The following ZNF593 variants were observed in gnomAD, a reference collection of about 807,000 sequenced individuals.
ZNF593 encodes the protein BUD20 homolog.
A neutral mutation model predicts 12.9 loss-of-function variants in ZNF593; 18 were observed. The ratio of observed to expected loss-of-function variants is 1.40; its 90% CI spans 0.96 to 2.07. The LOEUF (loss-of-function observed/expected upper bound fraction) is 2.07. Ranked by LOEUF, ZNF593 falls within the 30% of genes most tolerant of loss-of-function variation. ZNF593 has a pLI of 0.00. For missense variants in ZNF593, 198 were observed against 186.7 expected (o/e 1.06, Z -0.35); for synonymous variants, 79 against 79.9 (o/e 0.99, Z 0.06).
intron 1 of ZNF593, 47 bp from the exon 2 acceptor site, chr1:26,170,371 G>C: frequency 4.4e-6 from 7 of 1,580,070 alleles, no homozygotes; most frequent in Non-Finnish European, 5.2e-6. Context: ...AGGTGCACTT[G>C]GGAGACTATC....
In ZNF593 at chr1:26,170,042, A is replaced by G; in HGVS notation, c.59A>G (p.Lys20Arg). The G allele has an allele frequency of 6.4e-7, 1 of 1,574,182 alleles. No individual in the cohort carries two copies. Among genetic ancestry groups the G allele is most frequent in the Non-Finnish European group, 8.6e-7 (1 of 1,163,492 alleles). Residue 20 changes from lysine (K) to arginine (R), a missense_variant, in exon 1 of 3, where the codon AAG becomes AGG. By Grantham distance (26) the Lys-to-Arg change is conservative (BLOSUM62 2). Transcript: ENST00000374266. ...GCGCACTCTCTAGCCCGGCAGATGA[A>G]GGCGAAGCGGCGGCGGCCGGACTTG... ...HRAHSLARQM[K>R]AKRRRPDLDE...
chr1:26,170,674 G>A lies in ZNF593; in HGVS notation c.363G>A (p.Thr121=), dbSNP rs952496856. The A allele has an allele frequency of 3.7e-6, 6 of 1,610,712 alleles. No individual in the cohort carries two copies. Among genetic ancestry groups the A allele is most frequent in the East Asian group, 2.2e-5 (1 of 44,868 alleles). The stretch of plus-strand genomic sequence containing the variant: ...CCCCCAGGCGGCTGGCAGTGCCCAC[G>A]GAAGTGTCCACTGAGGTCCCTGAGA... ...YVPPRRLAVP[T]EVSTEVPEMD... The change falls in exon 3 of 3, where the codon ACG becomes ACA. Residue 121 remains threonine, a synonymous_variant. Coordinates refer to ENST00000374266, the MANE Select transcript of ZNF593 (RefSeq NM_015871.5).
In ZNF593 at chr1:26,170,471, A is replaced by C; in HGVS notation, c.254A>C (p.His85Pro). The change falls in exon 2 of 3, where the codon CAC becomes CCC. Residue 85 changes from histidine to proline, a missense_variant. Coordinates refer to ENST00000374266, the MANE Select transcript of ZNF593 (RefSeq NM_015871.5). The part of the protein sequence containing the change: ...NLKTHFRSKD[H>P]KKRLKQLSVE... Reference sequence around the variant, plus strand: ...AAGACCCACTTCCGATCCAAAGACCACAAGAAAAGGTATGAAGGAGTAAGG... The same window carrying C: ...AAGACCCACTTCCGATCCAAAGACCCCAAGAAAAGGTATGAAGGAGTAAGG... The C allele has an allele frequency of 1.2e-6, 2 of 1,614,212 alleles. No homozygotes were observed. Among genetic ancestry groups the C allele is most frequent in the East Asian group, 2.2e-5 (1 of 44,882 alleles).
At position 26,169,972 on chromosome 1, in the gene ZNF593, C is replaced by T. The variant is rs770000401; in HGVS notation, c.-12C>T. The T allele has an allele frequency of 9.1e-6, 14 of 1,534,034 alleles. No individual in the cohort carries two copies. In the Admixed American group the frequency reaches 1.6e-4, roughly 17 times the overall value. On this transcript the variant is annotated 5_prime_UTR_variant, in exon 1 of 3. Transcript: ENST00000374266. ...GCTCCTGGCCCCTTGGCCGGCCGGG[C>T]TGTTTCTGGCCATGGGTCGCTCCCG...
Position 26,170,591 on chromosome 1 carries a change from G to C in ZNF593, c.280G>C (p.Val94Leu), listed in dbSNP as rs758484107. The change falls in exon 3 of 3, where the codon GTC (valine) becomes CTC (leucine). Residue 94 changes from valine to leucine, a missense_variant. Val to Leu is a conservative substitution (Grantham distance 32). Transcript: ENST00000374266. ...DHKKRLKQLS[V>L]EPYSQEEAER... Reference sequence around the variant, plus strand: ...TTCTCCCAGGCTGAAGCAGCTGAGCGTCGAGCCCTACAGTCAGGAAGAGGC... The same window carrying C: ...TTCTCCCAGGCTGAAGCAGCTGAGCCTCGAGCCCTACAGTCAGGAAGAGGC... 4 of 1,613,830 alleles carry C rather than the reference G, an allele frequency of 2.5e-6. No individual in the cohort carries two copies. The South Asian group carries it at 4.4e-5, about 18-fold the overall frequency.
In ZNF593 at chr1:26,170,788, T is replaced by G; in HGVS notation, c.*72T>G. 1.3e-6 allele frequency: 2 copies of G among 1,537,814 alleles called. No homozygotes were observed. Among genetic ancestry groups the G allele is most frequent in the Non-Finnish European group, 1.7e-6 (2 of 1,148,146 alleles). The stretch of plus-strand genomic sequence containing the variant: ...GCAAGGACTAGGCTGGGAGGGAGCG[T>G]GCCAACCCCTTTTGCCTCTGGGTTT... On this transcript the variant is annotated 3_prime_UTR_variant, in exon 3 of 3. Transcript: ENST00000374266.
chr1:26,170,594 G>C lies in ZNF593; in HGVS notation c.283G>C (p.Glu95Gln). The change falls in exon 3 of 3, where the codon GAG (glutamate) becomes CAG (glutamine). Residue 95 changes from glutamate (E) to glutamine (Q), a missense_variant. By Grantham distance (29) the Glu-to-Gln change is conservative. Transcript: ENST00000374266. ...HKKRLKQLSV[E>Q]PYSQEEAERA... ...TCCCAGGCTGAAGCAGCTGAGCGTC[G>C]AGCCCTACAGTCAGGAAGAGGCGGA... The C allele has an allele frequency of 1.2e-6, 2 of 1,613,738 alleles. No homozygotes were observed. The highest frequency in any genetic ancestry group is 1.7e-6 in the Non-Finnish European group (2 of 1,180,016).
Position 26,170,141 on chromosome 1 carries a change from CCG to C in ZNF593, c.159_160del (p.Asp54ProfsTer72). On this transcript the variant is annotated frameshift_variant, in exon 1 of 3. Transcript: ENST00000374266. LOFTEE classifies it high-confidence loss of function. ...CCCGACCCAAACGCCGAGTTCGACC[CCG>C]ACCTGCCAGGGGGCGGTCTGCACCG... 6.4e-7 allele frequency: 1 copy of C among 1,572,174 alleles called. No homozygotes were observed. Among genetic ancestry groups the C allele is most frequent in the Non-Finnish European group, 8.6e-7 (1 of 1,161,328 alleles).
chr1:26,170,443 C>T lies in ZNF593; in HGVS notation c.226C>T (p.Leu76=), dbSNP rs745998522. 6.2e-7 allele frequency: 1 copy of T among 1,614,076 alleles called. No homozygotes were observed. Among genetic ancestry groups the T allele is most frequent in the Non-Finnish European group, 8.5e-7 (1 of 1,180,032 alleles). Reference sequence around the variant, plus strand: ...GAGGTACTTCATCGATTCCACCAACCTGAAGACCCACTTCCGATCCAAAGA... The same window carrying T: ...GAGGTACTTCATCGATTCCACCAACTTGAAGACCCACTTCCGATCCAAAGA... ...CARYFIDSTN[L]KTHFRSKDHK... is the part of the protein sequence containing the mutation. Residue 76 remains leucine, a synonymous_variant, in exon 2 of 3, where the codon CTG becomes TTG. Transcript: ENST00000374266.
Position 26,170,703 on chromosome 1 carries a change from A to G in ZNF593, c.392A>G (p.Asp131Gly), listed in dbSNP as rs1369578820. The change falls in exon 3 of 3, where the codon GAT (aspartate) becomes GGT (glycine). Residue 131 changes from aspartate to glycine, a missense_variant. Coordinates refer to ENST00000374266, the MANE Select transcript of ZNF593 (RefSeq NM_015871.5). The stretch of plus-strand genomic sequence containing the variant: ...GTGTCCACTGAGGTCCCTGAGATGG[A>G]TACCTCTACCTGACATGGCCTGAAG... ...TEVSTEVPEM[D>G]TST 13 of 1,606,676 alleles carry G rather than the reference A, an allele frequency of 8.1e-6. No homozygotes were observed. The highest frequency in any genetic ancestry group is 1.1e-5 in the Non-Finnish European group (13 of 1,179,850).
At position 26,170,642 on chromosome 1, in the gene ZNF593, T is replaced by C. The variant is rs771716445; in HGVS notation, c.331T>C (p.Tyr111His). ...EAERAAGMGSYVPPRRLAVPT... is the reference protein window; with the variant it reads ...EAERAAGMGSHVPPRRLAVPT... ...GGAGAGGGCAGCGGGTATGGGATCCTATGTGCCCCCCAGGCGGCTGGCAGT... is the reference window on the plus strand; with the variant it reads ...GGAGAGGGCAGCGGGTATGGGATCCCATGTGCCCCCCAGGCGGCTGGCAGT... The change falls in exon 3 of 3, where the codon TAT becomes CAT. Residue 111 changes from tyrosine (Y) to histidine (H), a missense_variant. By Grantham distance (83) the Tyr-to-His change is moderately conservative (BLOSUM62 2). Transcript: ENST00000374266. 3.7e-6 allele frequency: 6 copies of C among 1,613,002 alleles called. No individual in the cohort carries two copies. The highest frequency in any genetic ancestry group is 3.3e-5 in the South Asian group (3 of 91,086).
chr1:26,170,083 G>T lies in ZNF593; in HGVS notation c.100G>T (p.Glu34Ter). The T allele has an allele frequency of 6.4e-7, 1 of 1,572,942 alleles. No individual in the cohort carries two copies. The highest frequency in any genetic ancestry group is 8.6e-7 in the Non-Finnish European group (1 of 1,162,042). ...GCCGGACTTGGATGAGATTCACCGC[G>T]AGCTGCGGCCTCAGGGATCCGCACG... ...RRPDLDEIHR[E>*]LRPQGSARPQ... The change falls in exon 1 of 3, where the codon GAG (glutamate) becomes TAG (stop). Residue 34 changes from glutamate (E) to a stop codon, truncating the protein, a stop_gained. Transcript: ENST00000374266. LOFTEE classifies it high-confidence loss of function.
chr1:26,170,183 CGT>C lies in ZNF593; in HGVS notation c.200+2_200+3del, dbSNP rs1279191173. 6.4e-7 allele frequency: 1 copy of C among 1,572,620 alleles called. No homozygotes were observed. The highest frequency in any genetic ancestry group is 8.6e-7 in the Non-Finnish European group (1 of 1,163,088). ...GGTCTGCACCGCTGTCTGGCCTGCG[CGT>C]GAGTCCCGGACGAGCCCGGCCTGGG... On this transcript the variant is annotated splice_donor_variant, in intron 1 of 2. Transcript: ENST00000374266. LOFTEE classifies it high-confidence loss of function.
chr1:26,170,139 C>T lies in ZNF593; in HGVS notation c.156C>T (p.Asp52=). 6.4e-7 allele frequency: 1 copy of T among 1,571,600 alleles called. No individual in the cohort carries two copies. Among genetic ancestry groups the T allele is most frequent in the Non-Finnish European group, 8.6e-7 (1 of 1,161,068 alleles). The change falls in exon 1 of 3, where the codon GAC becomes GAT. Residue 52 remains aspartate (D), a synonymous_variant. Transcript: ENST00000374266. ...AGCCCGACCCAAACGCCGAGTTCGA[C>T]CCCGACCTGCCAGGGGGCGGTCTGC... The part of the protein sequence containing the change: ...RPQPDPNAEF[D]PDLPGGGLHR...
chr1:26,170,032 C>G lies in ZNF593; in HGVS notation c.49C>G (p.Arg17Gly). The change falls in exon 1 of 3, where the codon CGG becomes GGG. Residue 17 changes from arginine (R) to glycine (G), a missense_variant. By Grantham distance (125) the Arg-to-Gly change is moderately radical (BLOSUM62 -2). Coordinates refer to ENST00000374266, the MANE Select transcript of ZNF593 (RefSeq NM_015871.5). The stretch of plus-strand genomic sequence containing the variant: ...CGCGCACCGAGCGCACTCTCTAGCC[C>G]GGCAGATGAAGGCGAAGCGGCGGCG... ...TGAHRAHSLA[R>G]QMKAKRRRPD... 6.4e-7 allele frequency: 1 copy of G among 1,571,962 alleles called. No individual in the cohort carries two copies. Among genetic ancestry groups the G allele is most frequent in the South Asian group, 1.2e-5 (1 of 86,076 alleles).
chr1:26,169,976 T>A lies in ZNF593; in HGVS notation c.-8T>A. On this transcript the variant is annotated 5_prime_UTR_variant, in exon 1 of 3. Transcript: ENST00000374266. ...CTGGCCCCTTGGCCGGCCGGGCTGTTTCTGGCCATGGGTCGCTCCCGCCGG... is the reference window on the plus strand; with the variant it reads ...CTGGCCCCTTGGCCGGCCGGGCTGTATCTGGCCATGGGTCGCTCCCGCCGG... 2 of 1,537,670 alleles carry A rather than the reference T, an allele frequency of 1.3e-6. No individual in the cohort carries two copies. Among genetic ancestry groups the A allele is most frequent in the Non-Finnish European group, 1.7e-6 (2 of 1,145,500 alleles).
At chr1:26,170,530 G>A in intron 2 of ZNF593, 45 bp from the exon 3 acceptor site, 1 of 1,614,094 alleles carries the variant, frequency 6.2e-7, no homozygotes, top group Non-Finnish European at 8.5e-7. Flanking sequence ...AGCAGATAGG[G>A]CTCTCACCTG....
In ZNF593 at chr1:26,170,193, G is replaced by A. The variant is rs1253113059; in HGVS notation, c.200+10G>A. On this transcript the variant is annotated intron_variant, in intron 1 of 2. Coordinates refer to ENST00000374266, the MANE Select transcript of ZNF593 (RefSeq NM_015871.5). ...GCTGTCTGGCCTGCGCGTGAGTCCC[G>A]GACGAGCCCGGCCTGGGGCGGAGGA... 7.0e-6 allele frequency: 11 copies of A among 1,573,528 alleles called. No homozygotes were observed. Among genetic ancestry groups the A allele is most frequent in the Non-Finnish European group, 9.4e-6 (11 of 1,164,164 alleles).
At chr1:26,170,226 C>A in intron 1 of ZNF593, 43 bp downstream of exon 1, 1 of 1,579,120 alleles carries the variant, frequency 6.3e-7, no homozygotes, top group African/African-American at 1.3e-5. Context: ...GGAGGGTCCG[C>A]GGTACCGGCC....
Sources: gnomAD v4.1 joint callset for allele counts on GRCh38, gnomAD v4.1.1 for gene constraint, MANE v1.5 for transcripts, NCBI Gene and HGNC (gene_info 2026-07-23, HGNC 2026-07-21) for gene names.